CATSPERT: variants seen among roughly 807,000 people sequenced by gnomAD.
The protein encoded by CATSPERT is cation channel sperm-associated targeting subunit tau.
At chr2:201,494,333 T>A in the CATSPERT span, 22 of 1,537,082 alleles carry the variant, frequency 1.4e-5, no homozygotes, top group Non-Finnish European at 1.9e-5. Context: ...ATTGATTGTT[T>A]TAAATATTCT....
chr2:201,496,893 T>C, the CATSPERT span, among the ~76,000 whole-genome samples: 67 of 152,292 alleles, frequency 4.4e-4, no homozygotes, highest in Non-Finnish European at 7.8e-4. Flanking sequence ...AAAGTTTTCA[T>C]TGGGTACTCA....
chr2:201,573,635 G>T, the CATSPERT span, among the ~76,000 whole-genome samples: 2 of 152,108 alleles, frequency 1.3e-5, no homozygotes, highest in African/African-American at 4.8e-5. Context: ...ACATGTATGT[G>T]TACACACAAA....
the CATSPERT span, chr2:201,493,175 A>C: frequency 6.5e-7 from 1 of 1,528,888 alleles, no homozygotes; most frequent in Non-Finnish European, 8.8e-7. Flanking sequence ...TTATCCATTA[A>C]TGAGTTAGTT....
the CATSPERT span, chr2:201,491,265 GACTATCTTGTTAA>G: frequency 6.5e-7 from 1 of 1,537,700 alleles, no homozygotes; most frequent in Admixed American, 2.0e-5. Flanking sequence ...GTAGTATCCT[GACTATCTTGTTAA>G]ATGACTTTTT....
chr2:201,593,353 GT>G, the CATSPERT span, among the ~76,000 whole-genome samples: 1 of 151,750 alleles, frequency 6.6e-6, no homozygotes. Flanking sequence ...GAAATAGTTT[GT>G]TATAATTTCT....
At chr2:201,507,488 A>C in the CATSPERT span, among the ~76,000 whole-genome samples, 1 of 152,222 alleles carries the variant, frequency 6.6e-6, no homozygotes, top group African/African-American at 2.4e-5. Context: ...TTCATCAATA[A>C]GAATTTATAA....
At chr2:201,598,482 T>C in the CATSPERT span, among the ~76,000 whole-genome samples, 44 of 152,316 alleles carry the variant, frequency 2.9e-4, 1 homozygote, top group South Asian at 8.3e-3. Flanking sequence ...AAAAATCTTG[T>C]TGAGGGAGAG....
chr2:201,607,869 A>T, the CATSPERT span, among the ~76,000 whole-genome samples: 2 of 152,168 alleles, frequency 1.3e-5, no homozygotes, highest in Admixed American at 1.3e-4. Flanking sequence ...GTGGACCCTA[A>T]TCCCATATGC....
chr2:201,494,396 C>T, the CATSPERT span: 4 of 1,537,350 alleles, frequency 2.6e-6, no homozygotes, highest in Non-Finnish European at 3.5e-6. Context: ...TTTGCCTGTA[C>T]ATTTCCAGCC....
the CATSPERT span, among the ~76,000 whole-genome samples, chr2:201,579,060 C>T: frequency 6.6e-6 from 1 of 152,068 alleles, no homozygotes; most frequent in Non-Finnish European, 1.5e-5. Flanking sequence ...AAGTTGCAAT[C>T]ATCATTACTC....
the CATSPERT span, among the ~76,000 whole-genome samples, chr2:201,539,174 A>G: frequency 5.5e-3 from 838 of 152,288 alleles, 7 homozygotes; most frequent in African/African-American, 0.019. Context: ...TCCTTTGGGT[A>G]TATACCCAGT....
the CATSPERT span, among the ~76,000 whole-genome samples, chr2:201,581,523 T>TAA: frequency 1.6e-5 from 1 of 64,322 alleles, no homozygotes; most frequent in African/African-American, 7.1e-5. Flanking sequence ...TATATATATA[T>TAA]AAAATATTCT....
At chr2:201,491,648 A>G in the CATSPERT span, 1 of 1,537,116 alleles carries the variant, frequency 6.5e-7, no homozygotes, top group Non-Finnish European at 8.7e-7. Flanking sequence ...CTGTTTAAGT[A>G]CTCATCTTCC....
the CATSPERT span, among the ~76,000 whole-genome samples, chr2:201,559,324 C>T: frequency 1.3e-5 from 2 of 152,238 alleles, no homozygotes; most frequent in Admixed American, 1.3e-4. Flanking sequence ...CAGCTTTGCA[C>T]CTGCATCCCA....
the CATSPERT span, among the ~76,000 whole-genome samples, chr2:201,558,649 G>C: frequency 6.6e-6 from 1 of 152,194 alleles, no homozygotes; most frequent in African/African-American, 2.4e-5. Context: ...GTCCTCACAG[G>C]CCTTGAGTAC....
At chr2:201,584,168 T>G in the CATSPERT span, among the ~76,000 whole-genome samples, 1 of 152,050 alleles carries the variant, frequency 6.6e-6, no homozygotes, top group Non-Finnish European at 1.5e-5. Flanking sequence ...TGCACGTCTT[T>G]AGTCCCAGCT....
chr2:201,561,076 C>T, the CATSPERT span, among the ~76,000 whole-genome samples: 7 of 152,152 alleles, frequency 4.6e-5, no homozygotes, highest in South Asian at 1.2e-3. Flanking sequence ...CCACCACGCC[C>T]GGCCAGCCTC....
At chr2:201,610,097 T>G in the CATSPERT span, among the ~76,000 whole-genome samples, 3 of 152,126 alleles carry the variant, frequency 2.0e-5, no homozygotes, top group African/African-American at 7.2e-5. Flanking sequence ...TGACCAATAT[T>G]GACTTAGGAA....
the CATSPERT span, among the ~76,000 whole-genome samples, chr2:201,576,249 A>G: frequency 3.5e-4 from 54 of 152,364 alleles, no homozygotes; most frequent in African/African-American, 1.3e-3. Context: ...TGTTTAAGGC[A>G]TAAATAAAAA....
Sources: gnomAD v4.1 joint callset for allele counts (sites outside exome capture counted in the v4.1 genomes callset) on GRCh38, gnomAD v4.1.1 for gene constraint, MANE v1.5 for transcripts, NCBI Gene and HGNC (gene_info 2026-07-23, HGNC 2026-07-21) for gene names.